The following MSRA variants were observed in gnomAD, a reference collection of about 807,000 sequenced individuals.
The protein encoded by MSRA is methionine sulfoxide reductase A, also known as mitochondrial peptide methionine sulfoxide reductase.
MSRA carries 54 observed loss-of-function variants against 31.3 expected under a neutral mutation model. That is an observed-to-expected ratio of 1.73 (90% CI 1.39 to 2.17). The LOEUF is 2.17. Among genes scored for constraint, MSRA ranks in the 30% most tolerant of loss-of-function variants. The probability of loss-of-function intolerance (pLI) is 0.00; values close to 1 mark genes in which losing one functional copy is unlikely to be tolerated. For missense variants in MSRA, 507 were observed against 300.9 expected (o/e 1.69, Z -5.07); for synonymous variants, 169 against 116.5 (o/e 1.45, Z -2.90).
At chr8:10,353,825 A>G (rs866359071) in intron 5 of MSRA, 5 of 272,240 alleles carry the variant, frequency 1.8e-5, no homozygotes, top group South Asian at 1.4e-4. Flanking sequence ...AGAAATAACA[A>G]GACATTTTAC....
intron 1 of MSRA, among the ~76,000 whole-genome samples, chr8:10,112,791 C>G (rs754479940): frequency 4.4e-5 from 6 of 136,332 alleles, no homozygotes; most frequent in African/African-American, 7.5e-5. Flanking sequence ...AGAAGTTTTT[C>G]TCTTTCTCAA....
At chr8:10,181,810 C>G (rs1806568225) in intron 1 of MSRA, among the ~76,000 whole-genome samples, 1 of 152,316 alleles carries the variant, frequency 6.6e-6, no homozygotes, top group East Asian at 1.9e-4. Flanking sequence ...GTCTCACCAA[C>G]AGTGTTAGTG....
Position 10,080,202 on chromosome 8 carries a change from C to G in MSRA, c.142+25544C>G, listed in dbSNP as rs1158657377. Among the ~76,000 whole-genome samples the G allele has an allele frequency of 3.2e-4, 49 of 152,156 alleles. 1 individual carries two copies. Among genetic ancestry groups the G allele is most frequent in the Admixed American group, 3.2e-3 (49 of 15,290 alleles). On this transcript the variant is annotated intron_variant, in intron 1 of 5. Transcript: ENST00000317173. ...CAGTTACGACATTCTCTTTCTCAGT[C>G]TAGGGGAAGTTACTCTGGCAATTAT...
chr8:10,414,665 C>T (rs1052011327), intron 5 of MSRA, among the ~76,000 whole-genome samples: 4 of 152,234 alleles, frequency 2.6e-5, no homozygotes, highest in Admixed American at 6.5e-5. Context: ...GCATCTGCTG[C>T]TATGCTTGAA....
intron 1 of MSRA, among the ~76,000 whole-genome samples, chr8:10,070,392 G>A (rs919851866): frequency 1.3e-5 from 2 of 152,122 alleles, no homozygotes; most frequent in African/African-American, 4.8e-5. Context: ...TAGCCCACAG[G>A]CCAAGTGTGA....
intron 5 of MSRA, among the ~76,000 whole-genome samples, chr8:10,392,169 C>G (rs1806788276): frequency 6.6e-6 from 1 of 152,176 alleles, no homozygotes; most frequent in Non-Finnish European, 1.5e-5. Flanking sequence ...GGACTTGAAA[C>G]CTGCTAGACT....
At chr8:10,173,323 C>T (rs1384979696) in intron 1 of MSRA, among the ~76,000 whole-genome samples, 2 of 152,212 alleles carry the variant, frequency 1.3e-5, no homozygotes, top group African/African-American at 4.8e-5. Context: ...ATATCACACC[C>T]AGTTACTGTG....
At chr8:10,291,386 G>A (rs772211682) in intron 3 of MSRA, among the ~76,000 whole-genome samples, 44 of 147,806 alleles carry the variant, frequency 3.0e-4, no homozygotes, top group African/African-American at 9.4e-4. Flanking sequence ...TATGTTTCTC[G>A]TCGGACACTT....
At chr8:10,102,569 C>G (rs968725953) in intron 1 of MSRA, among the ~76,000 whole-genome samples, 2 of 152,156 alleles carry the variant, frequency 1.3e-5, no homozygotes, top group Non-Finnish European at 2.9e-5. Context: ...TCAGATAATT[C>G]CAACATCTGT....
chr8:10,272,754 A>G (rs1443434011), intron 3 of MSRA, among the ~76,000 whole-genome samples: 3 of 152,130 alleles, frequency 2.0e-5, no homozygotes, highest in Non-Finnish European at 4.4e-5. Flanking sequence ...TATTTTTTTT[A>G]TTCTACGCTG....
chr8:10,210,183 C>T (rs1809352775), intron 2 of MSRA, among the ~76,000 whole-genome samples: 1 of 152,154 alleles, frequency 6.6e-6, no homozygotes. Context: ...GCATTTCATC[C>T]TGCCAGCCTC....
intron 1 of MSRA, among the ~76,000 whole-genome samples, chr8:10,167,643 G>A (rs752356352): frequency 6.6e-6 from 1 of 152,108 alleles, no homozygotes; most frequent in African/African-American, 2.4e-5. Context: ...GGGGAGGAGC[G>A]TACTTAGCAT....
intron 1 of MSRA, among the ~76,000 whole-genome samples, chr8:10,117,286 G>A (rs979099477): frequency 2.0e-5 from 3 of 152,162 alleles, no homozygotes; most frequent in Non-Finnish European, 4.4e-5. Flanking sequence ...GGTTGGAGCA[G>A]AGCACTGGGC....
At chr8:10,244,032 AGT>A (rs1253308116) in intron 2 of MSRA, among the ~76,000 whole-genome samples, 3 of 152,172 alleles carry the variant, frequency 2.0e-5, no homozygotes, top group Admixed American at 2.0e-4. Flanking sequence ...AATATTAAAG[AGT>A]GTCAAGAATT....
intron 1 of MSRA, among the ~76,000 whole-genome samples, chr8:10,062,975 G>T (rs1563387257): frequency 6.6e-6 from 1 of 152,240 alleles, no homozygotes; most frequent in East Asian, 1.9e-4. Flanking sequence ...CCATGGCTTT[G>T]CTTTCTTCTC....
At chr8:10,214,433 C>G (rs997031836) in intron 2 of MSRA, among the ~76,000 whole-genome samples, 2 of 152,110 alleles carry the variant, frequency 1.3e-5, no homozygotes, top group South Asian at 4.1e-4. Flanking sequence ...GCCAAGAAAA[C>G]AACATTGGAA....
intron 5 of MSRA, among the ~76,000 whole-genome samples, chr8:10,323,089 CAAAAA>C (rs34539032): frequency 2.7e-5 from 3 of 112,340 alleles, no homozygotes; most frequent in Admixed American, 9.8e-5. Flanking sequence ...GACTCCATCT[CAAAAA>C]AAAAAAAAAA....
rs544431096 is a variant in MSRA at position 10,281,319 on chromosome 8, C to T, written c.332-20215C>T. Among the ~76,000 whole-genome samples the T allele has an allele frequency of 2.6e-5, 4 of 152,328 alleles. No homozygotes were observed. In the South Asian group the frequency reaches 8.3e-4, roughly 32 times the overall value. ...TCTGCCATTCTCCTGGACTTTTCCCCATCGTTGGAAATGTCGAATAACAAA... is the reference window on the plus strand; with the variant it reads ...TCTGCCATTCTCCTGGACTTTTCCCTATCGTTGGAAATGTCGAATAACAAA... On this transcript the variant is annotated intron_variant, in intron 3 of 5. Transcript: ENST00000317173.
chr8:10,185,914 G>A (rs1563195183), intron 1 of MSRA, among the ~76,000 whole-genome samples: 1 of 151,916 alleles, frequency 6.6e-6, no homozygotes, highest in Non-Finnish European at 1.5e-5. Flanking sequence ...TTCAGAGAAG[G>A]AAAGCACAAC....
Sources: allele counts gnomAD v4.1 joint callset (sites outside exome capture counted in the v4.1 genomes callset), GRCh38; gene constraint gnomAD v4.1.1; transcripts MANE v1.5; gene names NCBI Gene and HGNC (gene_info 2026-07-23, HGNC 2026-07-21).